PPP3R1: variants seen among roughly 807,000 people sequenced by gnomAD.
PPP3R1 encodes protein phosphatase 3 regulatory subunit B, alpha.
Under a neutral mutation model 22.6 loss-of-function variants are expected in PPP3R1, and 5 were observed. The observed-to-expected ratio is 0.22, with a 90% confidence interval of 0.12 to 0.46. The LOEUF is 0.46. Ranked by LOEUF, PPP3R1 falls within the 20% of genes least tolerant of loss-of-function variation. The pLI, the probability that PPP3R1 is intolerant of heterozygous loss-of-function variation, is 0.99. For synonymous variants in PPP3R1, 56 were observed against 65.2 expected (o/e 0.86, Z 0.68); for missense variants, 61 against 203.2 (o/e 0.30, Z 4.25).
chr2:68,230,818 GA>G (rs1467574678), intron 1 of PPP3R1, among the ~76,000 whole-genome samples: 2 of 152,120 alleles, frequency 1.3e-5, no homozygotes, highest in African/African-American at 4.8e-5. Context: ...TTCAGCACTT[GA>G]AAAATGTGAA....
At chr2:68,246,132 T>C (rs1380562392) in intron 1 of PPP3R1, among the ~76,000 whole-genome samples, 1 of 134,720 alleles carries the variant, frequency 7.4e-6, no homozygotes, top group East Asian at 2.4e-4. Flanking sequence ...TGGAGTGCAC[T>C]GGTACAATCT....
chr2:68,229,918 GTATA>G (rs755685176), intron 1 of PPP3R1, among the ~76,000 whole-genome samples: 4 of 149,952 alleles, frequency 2.7e-5, no homozygotes, highest in African/African-American at 7.5e-5. Context: ...GTGTATATGT[GTATA>G]TATATGTGTG....
intron 2 of PPP3R1, among the ~76,000 whole-genome samples, chr2:68,207,550 T>A (rs921420843): frequency 3.9e-5 from 6 of 152,162 alleles, no homozygotes; most frequent in Non-Finnish European, 8.8e-5. Flanking sequence ...CCCTAGGACA[T>A]TTTTCTCTGG....
chr2:68,197,584 T>C (rs577901969), intron 2 of PPP3R1, among the ~76,000 whole-genome samples: 1 of 152,316 alleles, frequency 6.6e-6, no homozygotes, highest in Non-Finnish European at 1.5e-5. Flanking sequence ...ATCAGCAATA[T>C]ATGATTATTT....
intron 5 of PPP3R1, 32 bp from the exon 6 acceptor site, chr2:68,181,042 A>G: frequency 3.1e-6 from 5 of 1,596,306 alleles, no homozygotes; most frequent in Non-Finnish European, 4.3e-6. Flanking sequence ...CAAGCTTCAC[A>G]GTGTCTGAGA....
At chr2:68,246,772 C>A (rs1006135117) in intron 1 of PPP3R1, among the ~76,000 whole-genome samples, 1 of 152,150 alleles carries the variant, frequency 6.6e-6, no homozygotes, top group East Asian at 1.9e-4. Context: ...CTTCACGTCT[C>A]ATTTTATATT....
At chr2:68,184,584 T>A (rs1674494855) in intron 5 of PPP3R1, among the ~76,000 whole-genome samples, 1 of 152,184 alleles carries the variant, frequency 6.6e-6, no homozygotes, top group African/African-American at 2.4e-5. Flanking sequence ...ACTCTGAAAA[T>A]TTTAAAGTAC....
rs62145952 is a variant in PPP3R1, at chr2:68,181,115, C to T, written c.466-105G>A. The T allele has an allele frequency of 8.3e-3, 9,119 of 1,096,094 alleles. 70 individuals are homozygous for T. The highest frequency in any genetic ancestry group is 0.026 in the African/African-American group (1,680 of 64,264). 67.9% of individuals were successfully genotyped at this position (1,096,094 alleles called of 1,614,324 possible). On this transcript the variant is annotated intron_variant, in intron 5 of 5. Coordinates refer to ENST00000234310, the MANE Select transcript of PPP3R1 (RefSeq NM_000945.4). Reference sequence around the variant, plus strand: ...TAAAAAATATTACTAGGGGGCTGGGCGTGGTGGCTCACACCTGTAATCCCA... The same window carrying T: ...TAAAAAATATTACTAGGGGGCTGGGTGTGGTGGCTCACACCTGTAATCCCA...
At chr2:68,230,299 T>C (rs1669870856) in intron 1 of PPP3R1, among the ~76,000 whole-genome samples, 1 of 152,140 alleles carries the variant, frequency 6.6e-6, no homozygotes, top group South Asian at 2.1e-4. Context: ...GGCCTTCATT[T>C]CTGTTTTCTT....
At chr2:68,213,197 G>C (rs985434303) in intron 2 of PPP3R1, among the ~76,000 whole-genome samples, 1 of 152,136 alleles carries the variant, frequency 6.6e-6, no homozygotes, top group Non-Finnish European at 1.5e-5. Flanking sequence ...TCATGTCTTG[G>C]CTAATTGTGT....
chr2:68,250,610 A>G (rs986343624), intron 1 of PPP3R1, among the ~76,000 whole-genome samples: 4 of 152,258 alleles, frequency 2.6e-5, no homozygotes, highest in Non-Finnish European at 5.9e-5. Context: ...CAAAAAGATT[A>G]TATGATGAAT....
Position 68,179,019 on chromosome 2 carries a change from A to AAG in PPP3R1, c.*1943_*1944insCT, listed in dbSNP as rs1247530055. ...CTAAAAAAAAAAAAAAAAAAAAAGA[A>AAG]AAAGAAAAAACCCTCATTCCCCGGT... On this transcript the variant is annotated 3_prime_UTR_variant, in exon 6 of 6. Transcript: ENST00000234310. The AAG allele has an allele frequency of 3.3e-5, 5 of 152,306 alleles. No homozygotes were observed. The East Asian group carries it at 7.7e-4, about 23-fold the overall frequency. 9.4% of individuals were successfully genotyped at this position (152,306 alleles called of 1,614,324 possible). A position where few individuals can be genotyped will look rare whatever the true frequency, so the allele number is the denominator to read the frequency against.
intron 1 of PPP3R1, among the ~76,000 whole-genome samples, chr2:68,233,982 T>C (rs540063810): frequency 6.6e-6 from 1 of 152,332 alleles, no homozygotes; most frequent in Non-Finnish European, 1.5e-5. Context: ...CTGAGCACTC[T>C]ATTAGAGACT....
chr2:68,251,584 G>A (rs1042634760), intron 1 of PPP3R1, among the ~76,000 whole-genome samples: 5 of 152,212 alleles, frequency 3.3e-5, no homozygotes, highest in Admixed American at 6.5e-5. Context: ...GTGAGTGGCA[G>A]GGTTCCCTGC....
intron 2 of PPP3R1, among the ~76,000 whole-genome samples, chr2:68,204,544 G>A (rs1675068816): frequency 2.6e-5 from 4 of 152,092 alleles, no homozygotes. Flanking sequence ...CACCTGCTGT[G>A]TGACTTAAGC....
intron 1 of PPP3R1, among the ~76,000 whole-genome samples, chr2:68,242,319 C>T (rs757056666): frequency 2.0e-5 from 3 of 151,624 alleles, no homozygotes; most frequent in African/African-American, 2.4e-5. Context: ...CACAGCTACT[C>T]GAAAGCTGAG....
intron 1 of PPP3R1, among the ~76,000 whole-genome samples, chr2:68,251,608 T>G (rs1572983386): frequency 1.3e-5 from 2 of 152,120 alleles, no homozygotes; most frequent in African/African-American, 4.8e-5. Context: ...GACTCACTGC[T>G]GGGAAACAGG....
At chr2:68,245,505 C>T (rs1281863109) in intron 1 of PPP3R1, among the ~76,000 whole-genome samples, 1 of 152,214 alleles carries the variant, frequency 6.6e-6, no homozygotes, top group African/African-American at 2.4e-5. Flanking sequence ...TCACCAGCAA[C>T]TCACTCTTAC....
At chr2:68,247,524 TATTGAA>T (rs1670259778) in intron 1 of PPP3R1, among the ~76,000 whole-genome samples, 1 of 152,186 alleles carries the variant, frequency 6.6e-6, no homozygotes, top group South Asian at 2.1e-4. Context: ...CACTCTATCC[TATTGAA>T]ATTGGAGTCT....
Sources: gnomAD v4.1 joint callset for allele counts (sites outside exome capture counted in the v4.1 genomes callset) on GRCh38, gnomAD v4.1.1 for gene constraint, MANE v1.5 for transcripts, NCBI Gene and HGNC (gene_info 2026-07-23, HGNC 2026-07-21) for gene names.